PACRG: variants seen among roughly 807,000 people sequenced by gnomAD.
PACRG encodes parkin coregulated, also known as parkin coregulated gene protein.
A neutral mutation model predicts 29.7 loss-of-function variants in PACRG; 29 were observed. The observed-to-expected ratio is 0.98, with a 90% CI of 0.73 to 1.33. PACRG has a LOEUF of 1.33. PACRG is among the 40% of genes most tolerant of loss of function. PACRG has a pLI of 0.00. For synonymous variants in PACRG, 116 were observed against 118.7 expected (o/e 0.98, Z 0.15); for missense variants, 279 against 316.2 (o/e 0.88, Z 0.89).
intron 3 of PACRG, among the ~76,000 whole-genome samples, chr6:163,063,260 G>A (rs1419862985): frequency 6.6e-6 from 1 of 152,132 alleles, no homozygotes; most frequent in Non-Finnish European, 1.5e-5. Context: ...GCTGCTCCAG[G>A]CACTTTCACC....
chr6:163,300,961 C>T (rs1299567923), intron 4 of PACRG, among the ~76,000 whole-genome samples: 3 of 134,446 alleles, frequency 2.2e-5, no homozygotes, highest in Non-Finnish European at 3.4e-5. Flanking sequence ...AGTAGGGCCA[C>T]GTCCGCTGCT....
intron 3 of PACRG, among the ~76,000 whole-genome samples, chr6:163,075,629 C>T (rs2128284120): frequency 6.6e-6 from 1 of 152,200 alleles, no homozygotes. Context: ...CAATTTACAA[C>T]ATTAATGAAT....
At chr6:162,795,356 G>T (rs1785289230) in intron 1 of PACRG, among the ~76,000 whole-genome samples, 2 of 151,988 alleles carry the variant, frequency 1.3e-5, no homozygotes, top group Admixed American at 6.6e-5. Flanking sequence ...GTTGTAAATT[G>T]AAAGACATTG....
At chr6:162,735,688 C>T (rs1229058379) in intron 1 of PACRG, among the ~76,000 whole-genome samples, 1 of 152,162 alleles carries the variant, frequency 6.6e-6, no homozygotes, top group Non-Finnish European at 1.5e-5. Flanking sequence ...CAGTTACCCA[C>T]TCTGTGAGTT....
At chr6:162,822,353 G>A (rs1366269003) in intron 2 of PACRG, among the ~76,000 whole-genome samples, 2 of 152,126 alleles carry the variant, frequency 1.3e-5, no homozygotes, top group Non-Finnish European at 2.9e-5. Flanking sequence ...ACGTAAGCAG[G>A]CTTGCCTTTG....
At chr6:162,947,648 A>G (rs1313568460) in intron 2 of PACRG, among the ~76,000 whole-genome samples, 2 of 51,414 alleles carry the variant, frequency 3.9e-5, no homozygotes, top group African/African-American at 1.6e-4. Flanking sequence ...ATATATATAT[A>G]CACCCAAAGA....
At chr6:163,089,910 T>C (rs1813939289) in intron 4 of PACRG, among the ~76,000 whole-genome samples, 1 of 152,220 alleles carries the variant, frequency 6.6e-6, no homozygotes, top group Non-Finnish European at 1.5e-5. Context: ...TGAATTCATA[T>C]GGCTCTATTT....
chr6:162,868,733 A>C (rs1414433901), intron 2 of PACRG, among the ~76,000 whole-genome samples: 2 of 152,200 alleles, frequency 1.3e-5, no homozygotes, highest in African/African-American at 2.4e-5. Context: ...ACATGCGCAC[A>C]GGGTCTGCCG....
chr6:163,226,783 A>G lies in PACRG; in HGVS notation c.614-88044A>G, dbSNP rs116749290. 4.9e-3 allele frequency among the ~76,000 whole-genome samples: 754 copies of G among 152,356 alleles called. 9 individuals are homozygous for G. The highest frequency in any genetic ancestry group is 0.017 in the African/African-American group (726 of 41,590). ...CTCTAGGAGGGTTGGGGCAGTACTC[A>G]GCAGCAGCCTCCACCGTGACCCATG... On this transcript the variant is annotated intron_variant, in intron 4 of 4. Coordinates refer to ENST00000366888, the MANE Select transcript of PACRG (RefSeq NM_001080379.2).
chr6:163,260,406 A>G (rs1293006805), intron 4 of PACRG, among the ~76,000 whole-genome samples: 1 of 152,242 alleles, frequency 6.6e-6, no homozygotes, highest in African/African-American at 2.4e-5. Context: ...CTCTGCAATT[A>G]TTCAAAGTTC....
At chr6:162,923,470 A>G (rs1353777159) in intron 2 of PACRG, among the ~76,000 whole-genome samples, 1 of 152,108 alleles carries the variant, frequency 6.6e-6, no homozygotes, top group Non-Finnish European at 1.5e-5. Context: ...GTTTTCTTCT[A>G]GTAGTTTTAT....
chr6:163,160,898 C>G (rs529564078), intron 4 of PACRG, among the ~76,000 whole-genome samples: 6 of 152,194 alleles, frequency 3.9e-5, no homozygotes, highest in Admixed American at 3.3e-4. Flanking sequence ...AGCATTTACT[C>G]TCTTGGGCAT....
At chr6:163,231,896 A>G (rs929538210) in intron 4 of PACRG, among the ~76,000 whole-genome samples, 1 of 152,274 alleles carries the variant, frequency 6.6e-6, no homozygotes, top group African/African-American at 2.4e-5. Context: ...CAGTTACTGT[A>G]GGTAAACAAG....
chr6:163,180,654 T>A (rs144324113), intron 4 of PACRG, among the ~76,000 whole-genome samples: 3 of 152,078 alleles, frequency 2.0e-5, no homozygotes, highest in Admixed American at 2.0e-4. Flanking sequence ...ATTCATTGAG[T>A]TTAAGAGGGG....
intron 4 of PACRG, chr6:163,166,027 G>T (rs751118575): frequency 2.7e-5 from 12 of 445,814 alleles, no homozygotes; most frequent in South Asian, 1.3e-4. Flanking sequence ...GCCCACAAGC[G>T]CCCCGATTTC....
chr6:162,947,527 TATATACTC>T (rs1206762778), intron 2 of PACRG, among the ~76,000 whole-genome samples: 1 of 117,478 alleles, frequency 8.5e-6, no homozygotes, highest in African/African-American at 3.5e-5. Flanking sequence ...TATAATCATA[TATATACTC>T]ATATATAATC....
intron 4 of PACRG, among the ~76,000 whole-genome samples, chr6:163,119,574 T>C (rs118047866): frequency 6.6e-6 from 1 of 152,168 alleles, no homozygotes; most frequent in Non-Finnish European, 1.5e-5. Flanking sequence ...CATCTCGGGA[T>C]GATGGAGACT....
Position 162,889,279 on chromosome 6 carries a change from TA to T in PACRG, c.291+75007del, listed in dbSNP as rs200602912. ...CACATTTTCTACATCACTGATCCAT[TA>T]AAAAAAAATCTTTCTTTGAATGCCT... On this transcript the variant is annotated intron_variant, in intron 2 of 4. Transcript: ENST00000366888. Among the ~76,000 whole-genome samples, 325 of 151,520 alleles carry T rather than the reference TA, an allele frequency of 2.1e-3. 2 individuals carry two copies. The highest frequency in any genetic ancestry group is 0.02 in the East Asian group (101 of 5,170).
chr6:162,953,820 T>A (rs1394151662), intron 2 of PACRG, among the ~76,000 whole-genome samples: 3 of 152,152 alleles, frequency 2.0e-5, no homozygotes, highest in Admixed American at 2.0e-4. Context: ...ACTTTTTCTC[T>A]AACTCTGTAG....
Sources: gnomAD v4.1 joint callset for allele counts (sites outside exome capture counted in the v4.1 genomes callset) on GRCh38, gnomAD v4.1.1 for gene constraint, MANE v1.5 for transcripts, NCBI Gene and HGNC (gene_info 2026-07-23, HGNC 2026-07-21) for gene names.